The following FAM3C variants were observed in gnomAD, a reference collection of about 807,000 sequenced individuals.
FAM3C encodes protein FAM3C.
A neutral mutation model predicts 32.5 loss-of-function variants in FAM3C; 15 were observed. That is an observed-to-expected ratio of 0.46 (90% CI 0.31 to 0.71). The LOEUF is 0.71. FAM3C is among the 30% of genes least tolerant of loss of function. The probability of loss-of-function intolerance (pLI) is 0.05; values close to 1 mark genes in which losing one functional copy is unlikely to be tolerated. For synonymous variants in FAM3C, 75 were observed against 86.1 expected (o/e 0.87, Z 0.72); for missense variants, 175 against 274.4 (o/e 0.64, Z 2.56).
chr7:121,379,126 A>G (rs1188998815), intron 2 of FAM3C, 112 bp from the exon 3 acceptor site: 1 of 594,158 alleles, frequency 1.7e-6, no homozygotes, highest in East Asian at 3.4e-5. Flanking sequence ...TCTACTTTGT[A>G]TCTATTAGAT....
At chr7:121,389,517 T>C (rs1300979308) in intron 1 of FAM3C, among the ~76,000 whole-genome samples, 1 of 152,164 alleles carries the variant, frequency 6.6e-6, no homozygotes, top group Non-Finnish European at 1.5e-5. Context: ...TGAATTCTCA[T>C]TAATGGGGAA....
intron 1 of FAM3C, among the ~76,000 whole-genome samples, chr7:121,393,849 CTAAA>C (rs1375781140): frequency 6.6e-6 from 1 of 152,164 alleles, no homozygotes; most frequent in East Asian, 1.9e-4. Context: ...CTTGAAATAA[CTAAA>C]TACAGAATCA....
intron 3 of FAM3C, among the ~76,000 whole-genome samples, chr7:121,373,421 G>A (rs1562888940): frequency 2.0e-5 from 3 of 152,150 alleles, no homozygotes; most frequent in Non-Finnish European, 4.4e-5. Context: ...ATAAACAGCT[G>A]TCCAAGTATA....
intron 1 of FAM3C, among the ~76,000 whole-genome samples, chr7:121,388,841 G>C (rs1015528848): frequency 6.6e-6 from 1 of 152,182 alleles, no homozygotes; most frequent in Middle Eastern, 3.4e-3. Flanking sequence ...ATTTCCCCTA[G>C]AATGTTAACC....
At chr7:121,396,323 C>G (rs1308965767), upstream of FAM3C, 1 of 152,186 alleles carries the variant, frequency 6.6e-6, no homozygotes, top group Non-Finnish European at 1.5e-5. Flanking sequence ...AGGAGAAAGC[C>G]AGCTCGCCGC....
At chr7:121,394,217 G>C (rs2116982156) in intron 1 of FAM3C, among the ~76,000 whole-genome samples, 1 of 152,198 alleles carries the variant, frequency 6.6e-6, no homozygotes, top group South Asian at 2.1e-4. Context: ...AAAATATATG[G>C]TGGAAAATAT....
At chr7:121,389,219 T>C (rs1283717811) in intron 1 of FAM3C, among the ~76,000 whole-genome samples, 1 of 152,146 alleles carries the variant, frequency 6.6e-6, no homozygotes, top group Non-Finnish European at 1.5e-5. Context: ...ACATGATTCA[T>C]CTCAATGTTA....
rs1013411823 is a variant in FAM3C, at chr7:121,349,570, A to G, written c.*891T>C. On this transcript the variant is annotated 3_prime_UTR_variant, in exon 10 of 10. Transcript: ENST00000359943. ...GATTAATTTCTTGGTTTACAAATCA[A>G]AATTATTGTGATATTAAAGCATGCC... 57 of 152,328 alleles carry G rather than the reference A, an allele frequency of 3.7e-4. No homozygotes were observed. The highest frequency in any genetic ancestry group is 1.4e-3 in the African/African-American group (57 of 41,592). 9.4% of individuals were successfully genotyped at this position (152,328 alleles called of 1,614,324 possible).
In FAM3C at chr7:121,381,705, A is replaced by G. The variant is rs1794361372; in HGVS notation, c.13+1252T>C. Among the ~76,000 whole-genome samples, 7 of 147,504 alleles carry G rather than the reference A, an allele frequency of 4.7e-5. No homozygotes were observed. In the South Asian group the frequency reaches 1.5e-3, roughly 32 times the overall value. ...ACACACACACACGCATGCAACATAA[A>G]AAGACATTGCAACACATTTATTTAG... On this transcript the variant is annotated intron_variant, in intron 2 of 9. Transcript: ENST00000359943.
intron 2 of FAM3C, chr7:121,380,248 G>A (rs1427371602): frequency 6.6e-6 from 1 of 152,072 alleles, no homozygotes; most frequent in East Asian, 1.9e-4. Flanking sequence ...TGCAACCAGA[G>A]ATAACTTTTC....
chr7:121,356,380 G>A (rs949299601), intron 8 of FAM3C, among the ~76,000 whole-genome samples: 5 of 152,010 alleles, frequency 3.3e-5, no homozygotes, highest in Non-Finnish European at 5.9e-5. Flanking sequence ...GTATTAAGCC[G>A]GAAAAAGAGA....
intron 4 of FAM3C, 65 bp from the exon 5 acceptor site, chr7:121,371,488 C>A: frequency 6.6e-7 from 1 of 1,513,434 alleles, no homozygotes; most frequent in Non-Finnish European, 9.1e-7. Context: ...CCTCACTTTA[C>A]TTCAAATCTC....
rs527944076 is a variant in FAM3C, at chr7:121,393,850, TAAATACAG to T, written c.-42+2304_-42+2311del. On this transcript the variant is annotated intron_variant, in intron 1 of 9. Coordinates refer to ENST00000359943, the MANE Select transcript of FAM3C (RefSeq NM_014888.3). ...TAGTCAATGCCACTCTTGAAATAAC[TAAATACAG>T]AATCAATGCTTCAAATCCTGATCAT... Among the ~76,000 whole-genome samples, 359 of 152,316 alleles carry T rather than the reference TAAATACAG, an allele frequency of 2.4e-3. 1 individual carries two copies. The highest frequency in any genetic ancestry group is 8.2e-3 in the African/African-American group (343 of 41,580).
chr7:121,392,574 T>C, intron 1 of FAM3C, among the ~76,000 whole-genome samples: 1 of 152,206 alleles, frequency 6.6e-6, no homozygotes. Context: ...ACGTATCAAC[T>C]GAACCAACTT....
intron 5 of FAM3C, among the ~76,000 whole-genome samples, chr7:121,369,611 C>G (rs1340706106): frequency 6.6e-6 from 1 of 152,188 alleles, no homozygotes; most frequent in East Asian, 1.9e-4. Flanking sequence ...TGGCTCTAAG[C>G]CCAGTATGTA....
chr7:121,360,828 C>T (rs1435813868), intron 7 of FAM3C, among the ~76,000 whole-genome samples: 1 of 151,924 alleles, frequency 6.6e-6, no homozygotes, highest in Non-Finnish European at 1.5e-5. Context: ...CAGCAAGACC[C>T]TGTCTCAAAA....
At chr7:121,378,179 T>C (rs1319546668) in intron 3 of FAM3C, among the ~76,000 whole-genome samples, 1 of 152,210 alleles carries the variant, frequency 6.6e-6, no homozygotes, top group Non-Finnish European at 1.5e-5. Flanking sequence ...CAAATGTTAT[T>C]TTATGAACGT....
At chr7:121,387,026 C>T (rs73219307) in intron 1 of FAM3C, among the ~76,000 whole-genome samples, 2,857 of 152,134 alleles carry the variant, frequency 0.019, 43 homozygotes, top group Admixed American at 0.033. Context: ...TATTTTTAGG[C>T]TTTATGGACC....
chr7:121,372,190 A>G (rs773560104), intron 3 of FAM3C, 51 bp from the exon 4 acceptor site: 1 of 1,287,908 alleles, frequency 7.8e-7, no homozygotes, highest in Non-Finnish European at 1.1e-6. Context: ...ATTGGCAAGT[A>G]TCCACTTTTA....
Sources: gnomAD v4.1 joint callset for allele counts (sites outside exome capture counted in the v4.1 genomes callset) on GRCh38, gnomAD v4.1.1 for gene constraint, MANE v1.5 for transcripts, NCBI Gene and HGNC (gene_info 2026-07-23, HGNC 2026-07-21) for gene names.